RNF17: variants seen among roughly 807,000 people sequenced by gnomAD.
RNF17 encodes spermatogenesis associated 23.
Under a neutral mutation model 200.5 loss-of-function variants are expected in RNF17, and 31 were observed. The ratio of observed to expected loss-of-function variants is 0.15; its 90% CI spans 0.12 to 0.21. The LOEUF (loss-of-function observed/expected upper bound fraction) is 0.21. Ranked by LOEUF, RNF17 falls within the 10% of genes least tolerant of loss-of-function variation. RNF17 has a pLI of 1.00. For synonymous variants in RNF17, 606 were observed against 637.8 expected (o/e 0.95, Z 0.75); for missense variants, 1,628 against 1,905.1 (o/e 0.85, Z 2.71).
At chr13:24,748,636 G>C in the RNF17 span, among the ~76,000 whole-genome samples, 1 of 152,192 alleles carries the variant, frequency 6.6e-6, no homozygotes, top group East Asian at 1.9e-4. Context: ...GGAGATACAG[G>C]ATAAAACATA....
chr13:24,862,850 A>G, intron 28 of RNF17, 57 bp downstream of exon 28: 1 of 1,010,708 alleles, frequency 9.9e-7, no homozygotes, highest in Admixed American at 1.8e-5. Flanking sequence ...ATTATAATTA[A>G]CATAATTTGA....
chr13:24,779,544 A>G (rs2137545107), intron 4 of RNF17, 123 bp from the exon 5 acceptor site: 2 of 611,254 alleles, frequency 3.3e-6, no homozygotes, highest in Middle Eastern at 2.7e-4. Context: ...ACTTTTCTGT[A>G]GTGAGTCTAT....
chr13:24,815,428 GGTGTGTGTGT>G lies in RNF17; in HGVS notation c.2092-10154_2092-10145del, dbSNP rs60054136. 9.9e-3 allele frequency among the ~76,000 whole-genome samples: 1,432 copies of G among 144,182 alleles called. 39 individuals carry two copies. Among genetic ancestry groups the G allele is most frequent in the African/African-American group, 0.033 (1,266 of 38,552 alleles). The allele number at this position is 144,182 out of a possible 152,430, so 94.6% of individuals were successfully genotyped here. A position where few individuals can be genotyped will look rare whatever the true frequency, so the allele number is the denominator to read the frequency against. ...TGAATTAATTTGGTAGCCCTAACGG[GGTGTGTGTGT>G]GTGTGTGTGTGTGTGTGTGTGTGTG... is the stretch of plus-strand genomic sequence containing the variant. On this transcript the variant is annotated intron_variant, in intron 15 of 35. Transcript: ENST00000255324.
intron 30 of RNF17, among the ~76,000 whole-genome samples, chr13:24,867,791 T>C (rs1893785160): frequency 6.6e-6 from 1 of 152,244 alleles, no homozygotes; most frequent in Admixed American, 6.5e-5. Context: ...AACTGTAGTA[T>C]TCCTTTGCTT....
chr13:24,773,617 G>A (rs1379979875), intron 2 of RNF17, among the ~76,000 whole-genome samples: 2 of 152,128 alleles, frequency 1.3e-5, no homozygotes, highest in Non-Finnish European at 2.9e-5. Flanking sequence ...TGGGTCATGG[G>A]ATCAACAGAA....
intron 3 of RNF17, among the ~76,000 whole-genome samples, chr13:24,776,761 A>G (rs973177607): frequency 1.3e-5 from 2 of 152,166 alleles, no homozygotes; most frequent in African/African-American, 4.8e-5. Context: ...CCTCTGAAGG[A>G]GGCAGTTCCT....
At chr13:24,877,256 T>C in intron 34 of RNF17, 70 bp downstream of exon 34, 1 of 1,311,256 alleles carries the variant, frequency 7.6e-7, no homozygotes, top group Non-Finnish European at 1.1e-6. Flanking sequence ...AGTGTTTGTT[T>C]CTATGCAGCG....
intron 18 of RNF17, among the ~76,000 whole-genome samples, chr13:24,834,255 AAAT>A (rs958100694): frequency 1.1e-4 from 16 of 151,996 alleles, no homozygotes; most frequent in African/African-American, 3.6e-4. Flanking sequence ...AAAAATAAAA[AAAT>A]ATATATATTA....
At chr13:24,874,492 C>T (rs368735791) in intron 33 of RNF17, among the ~76,000 whole-genome samples, 1 of 151,522 alleles carries the variant, frequency 6.6e-6, no homozygotes, top group Non-Finnish European at 1.5e-5. Flanking sequence ...TCACTGCAAC[C>T]TCCGCCTCCC....
At chr13:24,768,287 C>CT (rs34718905) in intron 2 of RNF17, among the ~76,000 whole-genome samples, 99,895 of 135,900 alleles carry the variant, frequency 0.74, 37,287 homozygotes, top group South Asian at 0.8. Context: ...CTGTAAATTC[C>CT]TTTTTTTTTT....
At chr13:24,758,789 A>G in the RNF17 span, among the ~76,000 whole-genome samples, 1 of 152,154 alleles carries the variant, frequency 6.6e-6, no homozygotes, top group Non-Finnish European at 1.5e-5. Context: ...AAAACAACTT[A>G]CCTTCGGCTG....
At chr13:24,882,120 A>C (rs1167972620), downstream of RNF17, among the ~76,000 whole-genome samples, 1 of 16,816 alleles carries the variant, frequency 5.9e-5, no homozygotes, top group Non-Finnish European at 2.0e-4. Context: ...AGATATATAG[A>C]TACATCTATA....
chr13:24,753,703 G>A, the RNF17 span, among the ~76,000 whole-genome samples: 1 of 152,200 alleles, frequency 6.6e-6, no homozygotes. Flanking sequence ...GGCCACTGTG[G>A]CTCTTAGCAG....
intron 6 of RNF17, among the ~76,000 whole-genome samples, chr13:24,784,275 TTGTC>T (rs773494189): frequency 2.4e-4 from 36 of 152,354 alleles, no homozygotes; most frequent in Admixed American, 3.9e-4. Flanking sequence ...GTTTGCTAGT[TTGTC>T]TGAGGACTTT....
upstream of RNF17, among the ~76,000 whole-genome samples, chr13:24,760,949 A>AT (rs1156780249): frequency 6.6e-6 from 1 of 152,208 alleles, no homozygotes; most frequent in Non-Finnish European, 1.5e-5. Context: ...AATGGAGATT[A>AT]TTTAAAAAAA....
chr13:24,781,751 G>C (rs1397019607), intron 5 of RNF17, 93 bp from the exon 6 acceptor site: 1 of 783,424 alleles, frequency 1.3e-6, no homozygotes, highest in African/African-American at 1.8e-5. Context: ...ATTTTGAAGA[G>C]TCTAGAAAGT....
downstream of RNF17, chr13:24,883,392 G>T (rs748148060): frequency 4.6e-6 from 7 of 1,527,846 alleles, no homozygotes; most frequent in Admixed American, 1.9e-5. Context: ...AAAAAAATAT[G>T]ATTTCTTAAA....
chr13:24,815,428 G>GGGGTGTGTGT (rs1296161698), intron 15 of RNF17, among the ~76,000 whole-genome samples: 9 of 144,194 alleles, frequency 6.2e-5, no homozygotes, highest in African/African-American at 1.8e-4. Flanking sequence ...GCCCTAACGG[G>GGGGTGTGTGT]GTGTGTGTGT....
intron 34 of RNF17, among the ~76,000 whole-genome samples, chr13:24,878,080 G>C (rs1372997155): frequency 6.6e-6 from 1 of 152,216 alleles, no homozygotes; most frequent in Non-Finnish European, 1.5e-5. Flanking sequence ...GTGATGTTCA[G>C]TTCACCTAGT....
Sources: gnomAD v4.1 joint callset for allele counts (sites outside exome capture counted in the v4.1 genomes callset) on GRCh38, gnomAD v4.1.1 for gene constraint, MANE v1.5 for transcripts, NCBI Gene and HGNC (gene_info 2026-07-23, HGNC 2026-07-21) for gene names.